Variants in DMD observed in about 807,000 individuals in gnomAD.
DMD encodes dystrophin.
In DMD, 63 loss-of-function variants were observed where a neutral mutation model predicts 330.1. The ratio of observed to expected loss-of-function variants is 0.19; its 90% CI spans 0.16 to 0.24. DMD has a LOEUF of 0.24. Among genes scored for constraint, DMD ranks in the 10% least tolerant of loss-of-function variants. The probability of loss-of-function intolerance (pLI) is 1.00; values close to 1 mark genes in which losing one functional copy is unlikely to be tolerated. For synonymous variants in DMD, 1,223 were observed against 959.8 expected (o/e 1.27, Z -5.07); for missense variants, 3,344 against 2,684.1 (o/e 1.25, Z -5.43).
chrX:31,545,146 T>C (rs1217106565), intron 55 of DMD, among the ~76,000 whole-genome samples: 1 of 111,876 alleles, frequency 8.9e-6, no homozygotes, highest in Non-Finnish European at 1.9e-5. Flanking sequence ...TTCCATGGAA[T>C]CAAATTCAAG....
At chrX:32,686,037 A>C (rs1272034074) in intron 9 of DMD, among the ~76,000 whole-genome samples, 1 of 111,689 alleles carries the variant, frequency 9.0e-6, no homozygotes, top group Non-Finnish European at 1.9e-5. Context: ...GTTTGCTAGT[A>C]GATTTGAGAC....
chrX:31,308,572 A>ATTAT (rs773280737), intron 62 of DMD, among the ~76,000 whole-genome samples: 20 of 111,611 alleles, frequency 1.8e-4, no homozygotes, highest in African/African-American at 4.5e-4. Context: ...TTTTTTAAAA[A>ATTAT]TTATTTATTT....
At chrX:33,096,096 T>C (rs2095158290) in intron 1 of DMD, among the ~76,000 whole-genome samples, 1 of 101,658 alleles carries the variant, frequency 9.8e-6, no homozygotes, top group East Asian at 3.5e-4. Flanking sequence ...TGCCTCAGCC[T>C]CCAGAGTAGC....
At chrX:33,136,241 T>C (rs1347399188) in intron 1 of DMD, among the ~76,000 whole-genome samples, 1 of 76,364 alleles carries the variant, frequency 1.3e-5, no homozygotes, top group African/African-American at 5.4e-5. Context: ...ATTAAGCCAA[T>C]GCACTTCAGC....
intron 2 of DMD, among the ~76,000 whole-genome samples, chrX:32,925,802 T>C (rs1569542947): frequency 1.8e-5 from 2 of 112,111 alleles, no homozygotes; most frequent in African/African-American, 3.2e-5. Flanking sequence ...TTGGTGAATG[T>C]ATTAAGTTTG....
At chrX:32,185,039 T>G (rs1254862188) in intron 44 of DMD, among the ~76,000 whole-genome samples, 2 of 110,656 alleles carry the variant, frequency 1.8e-5, no homozygotes, top group Admixed American at 9.7e-5. Flanking sequence ...AACTGGCACA[T>G]CAGAATCTCC....
At chrX:31,694,135 A>AACAC (rs2148827026) in intron 52 of DMD, among the ~76,000 whole-genome samples, 1 of 111,622 alleles carries the variant, frequency 9.0e-6, no homozygotes, top group African/African-American at 3.2e-5. Context: ...TGACAAAGGT[A>AACAC]GCAAGAACAC....
intron 1 of DMD, among the ~76,000 whole-genome samples, chrX:33,230,503 G>T (rs1244362310): frequency 1.8e-5 from 2 of 111,135 alleles, no homozygotes; most frequent in Non-Finnish European, 3.8e-5. Flanking sequence ...TCATTGGTGA[G>T]AAATATATCC....
At chrX:32,676,950 T>C (rs933681308) in intron 9 of DMD, among the ~76,000 whole-genome samples, 17 of 111,927 alleles carry the variant, frequency 1.5e-4, no homozygotes, top group African/African-American at 4.9e-4. Context: ...TTTTCATTTA[T>C]TGAAATTGAA....
chrX:33,199,360 C>T (rs1170189955), intron 1 of DMD, among the ~76,000 whole-genome samples: 5 of 110,977 alleles, frequency 4.5e-5, no homozygotes, highest in Non-Finnish European at 9.4e-5. Context: ...TTAGAAATAA[C>T]TGGGTAAAAA....
chrX:31,272,665 T>A (rs752148019), intron 62 of DMD, among the ~76,000 whole-genome samples: 1 of 112,407 alleles, frequency 8.9e-6, no homozygotes, highest in African/African-American at 3.2e-5. Flanking sequence ...TGTAAAAAAA[T>A]CAGGGAAGTC....
At chrX:32,315,608 C>T (rs1211795739) in intron 41 of DMD, among the ~76,000 whole-genome samples, 2 of 110,964 alleles carry the variant, frequency 1.8e-5, no homozygotes, top group Non-Finnish European at 3.8e-5. Context: ...GACCAGAATT[C>T]TGTGTCTCAG....
At chrX:32,657,820 T>C (rs1207812111) in intron 9 of DMD, among the ~76,000 whole-genome samples, 1 of 111,955 alleles carries the variant, frequency 8.9e-6, no homozygotes, top group Non-Finnish European at 1.9e-5. Flanking sequence ...TTAACAATTT[T>C]ATTAATTTTC....
intron 45 of DMD, among the ~76,000 whole-genome samples, chrX:31,967,304 G>A (rs1374686247): frequency 2.8e-5 from 1 of 35,946 alleles, no homozygotes; most frequent in African/African-American, 3.0e-4. Flanking sequence ...AGGGGTGTGT[G>A]TGTGTGTGTG....
chrX:33,036,611 G>A (rs781594895), intron 1 of DMD, among the ~76,000 whole-genome samples: 3 of 111,157 alleles, frequency 2.7e-5, no homozygotes, highest in African/African-American at 9.8e-5. Context: ...ATCTCCGTAA[G>A]TTTTGGTACA....
intron 50 of DMD, among the ~76,000 whole-genome samples, chrX:31,801,298 C>T (rs1006568226): frequency 9.0e-6 from 1 of 111,023 alleles, no homozygotes; most frequent in Admixed American, 9.6e-5. Flanking sequence ...CATCAGATCT[C>T]ATGAGAACTC....
intron 44 of DMD, among the ~76,000 whole-genome samples, chrX:32,011,857 C>A (rs1305845275): frequency 8.9e-6 from 1 of 111,922 alleles, no homozygotes; most frequent in Non-Finnish European, 1.9e-5. Flanking sequence ...TAAACTCCCT[C>A]CCTTGGTACT....
At chrX:32,944,861 CT>C (rs769920544) in intron 2 of DMD, among the ~76,000 whole-genome samples, 94 of 111,011 alleles carry the variant, frequency 8.5e-4, no homozygotes, top group Non-Finnish European at 1.5e-3. Context: ...CCGCCTCGGC[CT>C]CGCAAAGTGC....
intron 76 of DMD, among the ~76,000 whole-genome samples, chrX:31,135,983 T>A (rs1465535386): frequency 1.3e-5 from 1 of 75,094 alleles, no homozygotes; most frequent in Non-Finnish European, 2.5e-5. Flanking sequence ...TTGATTAGAA[T>A]CCTGCATTTA....
Sources: allele counts gnomAD v4.1 joint callset (sites outside exome capture counted in the v4.1 genomes callset), GRCh38; gene constraint gnomAD v4.1.1; transcripts MANE v1.5; gene names NCBI Gene and HGNC (gene_info 2026-07-23, HGNC 2026-07-21).